MPPED2: variants seen among roughly 807,000 people sequenced by gnomAD.
The protein encoded by MPPED2 is metallophosphoesterase domain containing 2, also known as metallophosphoesterase MPPED2.
MPPED2 carries 5 observed loss-of-function variants against 33.0 expected under a neutral mutation model. The observed-to-expected ratio is 0.15, with a 90% CI of 0.08 to 0.32. The LOEUF (loss-of-function observed/expected upper bound fraction) is 0.32, where lower values mean the gene tolerates loss of function less well. Ranked by LOEUF, MPPED2 falls within the 10% of genes least tolerant of loss-of-function variation. The pLI is 1.00. For missense variants in MPPED2, 275 were observed against 372.1 expected (o/e 0.74, Z 2.15); for synonymous variants, 136 against 141.9 (o/e 0.96, Z 0.29).
At chr11:30,512,614 T>G (rs757954621) in intron 3 of MPPED2, among the ~76,000 whole-genome samples, 2 of 152,192 alleles carry the variant, frequency 1.3e-5, no homozygotes, top group Admixed American at 6.5e-5. Context: ...ACCGGGATTG[T>G]ACAAACCCTT....
chr11:30,385,742 G>A (rs1197091248), exon 7 of MPPED2: 1 of 152,014 alleles, frequency 6.6e-6, no homozygotes, highest in African/African-American at 2.4e-5. Context: ...CTCTGTACCT[G>A]CTATATTCTC....
intron 4 of MPPED2, among the ~76,000 whole-genome samples, chr11:30,443,930 T>C (rs938242141): frequency 3.3e-5 from 5 of 152,210 alleles, no homozygotes; most frequent in Non-Finnish European, 7.4e-5. Context: ...ATTTGATGAA[T>C]GGATGAATGC....
At chr11:30,516,147 G>T (rs1953521619) in intron 3 of MPPED2, among the ~76,000 whole-genome samples, 1 of 152,144 alleles carries the variant, frequency 6.6e-6, no homozygotes, top group African/African-American at 2.4e-5. Context: ...GCTTCAGGGA[G>T]CCACTTTAGA....
intron 3 of MPPED2, among the ~76,000 whole-genome samples, chr11:30,535,353 T>C (rs547498878): frequency 2.8e-4 from 43 of 152,268 alleles, no homozygotes; most frequent in Non-Finnish European, 1.2e-4. Context: ...GGAACCAGGA[T>C]CCAATATTTT....
intron 3 of MPPED2, among the ~76,000 whole-genome samples, chr11:30,520,509 T>C (rs146251058): frequency 6.6e-6 from 1 of 152,364 alleles, no homozygotes; most frequent in East Asian, 1.9e-4. Context: ...TTTGCCTTTC[T>C]TTTCACTTTT....
chr11:30,403,479 AT>A (rs1459639867), intron 6 of MPPED2, among the ~76,000 whole-genome samples: 1 of 152,180 alleles, frequency 6.6e-6, no homozygotes, highest in Non-Finnish European at 1.5e-5. Flanking sequence ...ATTTCAACAA[AT>A]TTTCTTAGGT....
intron 3 of MPPED2, chr11:30,504,729 T>C: frequency 7.9e-7 from 1 of 1,262,518 alleles, no homozygotes. Flanking sequence ...CTAACGTTAA[T>C]ACTCACACTT....
At chr11:30,584,469 C>T (rs953922666) in intron 1 of MPPED2, 2 of 153,076 alleles carry the variant, frequency 1.3e-5, no homozygotes, top group African/African-American at 4.8e-5. Context: ...GCCTTACTCG[C>T]TCAGTCCCCC....
intron 3 of MPPED2, chr11:30,504,838 G>T (rs1230700883): frequency 2.4e-6 from 3 of 1,268,544 alleles, no homozygotes; most frequent in East Asian, 5.6e-5. Flanking sequence ...CCAGGTCTAA[G>T]AAATATTAAA....
intron 2 of MPPED2, among the ~76,000 whole-genome samples, chr11:30,537,300 A>C (rs1288348633): frequency 6.6e-6 from 1 of 152,158 alleles, no homozygotes. Context: ...ATGCAAAGAG[A>C]AGGTCACAAG....
intron 4 of MPPED2, among the ~76,000 whole-genome samples, chr11:30,458,172 A>G (rs1732298634): frequency 6.6e-6 from 1 of 152,196 alleles, no homozygotes; most frequent in Non-Finnish European, 1.5e-5. Flanking sequence ...GGGCCTTTCT[A>G]GTTCTATGCA....
intron 4 of MPPED2, among the ~76,000 whole-genome samples, chr11:30,422,666 G>A (rs1019092273): frequency 3.9e-5 from 6 of 152,138 alleles, no homozygotes; most frequent in Admixed American, 2.6e-4. Flanking sequence ...GAGGAGGAGG[G>A]AATCCAAGGG....
intron 2 of MPPED2, among the ~76,000 whole-genome samples, chr11:30,579,066 A>G (rs1212475777): frequency 6.8e-6 from 1 of 147,266 alleles, no homozygotes; most frequent in Non-Finnish European, 1.5e-5. Context: ...CAGAAATCTC[A>G]TCATAGGTAA....
chr11:30,532,055 G>A (rs368017650), intron 3 of MPPED2, among the ~76,000 whole-genome samples: 16 of 152,300 alleles, frequency 1.1e-4, no homozygotes, highest in African/African-American at 3.1e-4. Flanking sequence ...TTCCTCACAC[G>A]TTAAAAGGAA....
At chr11:30,535,115 G>A (rs561339633) in intron 3 of MPPED2, among the ~76,000 whole-genome samples, 30 of 152,186 alleles carry the variant, frequency 2.0e-4, no homozygotes, top group Non-Finnish European at 4.0e-4. Flanking sequence ...CCACTAACAC[G>A]TCTTATCATT....
intron 4 of MPPED2, among the ~76,000 whole-genome samples, chr11:30,445,609 A>G (rs917813493): frequency 1.3e-5 from 2 of 152,032 alleles, no homozygotes; most frequent in African/African-American, 4.8e-5. Context: ...TTAAATGATA[A>G]CCCCCTTCAC....
intron 4 of MPPED2, among the ~76,000 whole-genome samples, chr11:30,483,712 A>T (rs1487404309): frequency 6.6e-6 from 1 of 151,488 alleles, no homozygotes; most frequent in East Asian, 1.9e-4. Flanking sequence ...ACAATAAAAC[A>T]TTTTTTTTTC....
At chr11:30,456,430 G>A (rs767942490) in intron 4 of MPPED2, among the ~76,000 whole-genome samples, 18 of 152,182 alleles carry the variant, frequency 1.2e-4, no homozygotes, top group Non-Finnish European at 2.5e-4. Context: ...CATATATGGG[G>A]TAACAGATGT....
At chr11:30,535,643 T>C (rs555103453) in intron 3 of MPPED2, among the ~76,000 whole-genome samples, 24 of 152,202 alleles carry the variant, frequency 1.6e-4, no homozygotes, top group African/African-American at 5.1e-4. Context: ...TTATAATATC[T>C]GGGGAAAAAA....
Sources: gnomAD v4.1 joint callset for allele counts (sites outside exome capture counted in the v4.1 genomes callset) on GRCh38, gnomAD v4.1.1 for gene constraint, MANE v1.5 for transcripts, NCBI Gene and HGNC (gene_info 2026-07-23, HGNC 2026-07-21) for gene names.